The following GNAL variants were observed in gnomAD, a reference collection of about 807,000 sequenced individuals.
GNAL encodes guanine nucleotide-binding protein G(olf) subunit alpha.
In GNAL, 18 loss-of-function variants were observed where a neutral mutation model predicts 55.1. That is an observed-to-expected ratio of 0.33 (90% CI 0.23 to 0.48). GNAL has a LOEUF of 0.48. Ranked by LOEUF, GNAL falls within the 20% of genes least tolerant of loss-of-function variation. GNAL has a pLI of 0.99. For synonymous variants in GNAL, 253 were observed against 237.0 expected (o/e 1.07, Z -0.62); for missense variants, 412 against 614.1 (o/e 0.67, Z 3.48).
chr18:11,805,814 G>T (rs1393764134), intron 4 of GNAL, among the ~76,000 whole-genome samples: 1 of 152,184 alleles, frequency 6.6e-6, no homozygotes, highest in Non-Finnish European at 1.5e-5. Context: ...ACACATATGA[G>T]TGTAGGTATC....
intron 5 of GNAL, among the ~76,000 whole-genome samples, chr18:11,854,700 G>A (rs1428893880): frequency 6.6e-6 from 1 of 152,022 alleles, no homozygotes; most frequent in Non-Finnish European, 1.5e-5. Context: ...AGAATTGCTT[G>A]AACCTGGGAG....
intron 4 of GNAL, among the ~76,000 whole-genome samples, chr18:11,779,078 A>G (rs1295525075): frequency 6.6e-6 from 1 of 152,176 alleles, no homozygotes; most frequent in Non-Finnish European, 1.5e-5. Flanking sequence ...AGAGCCAGAG[A>G]CAGCACGTAG....
chr18:11,830,831 G>A (rs910091546), intron 5 of GNAL, among the ~76,000 whole-genome samples: 7 of 152,152 alleles, frequency 4.6e-5, no homozygotes, highest in African/African-American at 1.7e-4. Flanking sequence ...ACTACAACAT[G>A]GATGAACCTT....
Position 11,752,155 on chromosome 18 carries a change from A to T in GNAL, c.377-698A>T. 3.4e-6 allele frequency: 1 copy of T among 291,458 alleles called. No individual in the cohort carries two copies. Among genetic ancestry groups the T allele is most frequent in the Non-Finnish European group, 5.9e-6 (1 of 170,896 alleles). 18.1% of individuals were successfully genotyped at this position (291,458 alleles called of 1,614,324 possible). The stretch of plus-strand genomic sequence containing the variant: ...GCGCCCTCGCCCCCCGTCTCCGTTC[A>T]TTGTGCTGTATTCATCCAGCAGATT... On this transcript the variant is annotated intron_variant, in intron 1 of 11. Transcript: ENST00000334049. The surrounding 1 kb of genome is among the most constrained non-coding windows in gnomAD (Gnocchi z 4.5).
intron 1 of GNAL, among the ~76,000 whole-genome samples, chr18:11,722,261 G>A (rs1295095748): frequency 2.0e-5 from 3 of 152,144 alleles, no homozygotes; most frequent in African/African-American, 7.2e-5. Flanking sequence ...TTCCTGCTTG[G>A]CTAACAAATG....
At chr18:11,796,499 G>A (rs77226839) in intron 4 of GNAL, among the ~76,000 whole-genome samples, 13,585 of 150,378 alleles carry the variant, frequency 0.09, 664 homozygotes, top group Middle Eastern at 0.14. Context: ...GTATGAACCC[G>A]GGAGGCGGAG....
chr18:11,721,830 G>A (rs781380317), intron 1 of GNAL, among the ~76,000 whole-genome samples: 43 of 151,678 alleles, frequency 2.8e-4, no homozygotes, highest in Non-Finnish European at 3.8e-4. Flanking sequence ...AGGTTGTGGC[G>A]AGCCAAGATC....
At chr18:11,841,644 C>A (rs62925460) in intron 5 of GNAL, among the ~76,000 whole-genome samples, 6 of 122,732 alleles carry the variant, frequency 4.9e-5, no homozygotes, top group African/African-American at 1.2e-4. Context: ...GGGTCTGTCT[C>A]AAAAAAAAAA....
At chr18:11,756,173 T>G (rs963984482) in intron 4 of GNAL, among the ~76,000 whole-genome samples, 1 of 152,160 alleles carries the variant, frequency 6.6e-6, no homozygotes, top group Admixed American at 6.6e-5. Flanking sequence ...CCAGAAACAA[T>G]TGGTAACTCC....
intron 5 of GNAL, among the ~76,000 whole-genome samples, chr18:11,834,344 G>C (rs77723282): frequency 0.017 from 2,528 of 152,138 alleles, 50 homozygotes; most frequent in African/African-American, 0.047. Context: ...GCAAAAATGG[G>C]GTCTTTTGTT....
chr18:11,829,145 C>T (rs9946065), intron 5 of GNAL, among the ~76,000 whole-genome samples: 42 of 152,362 alleles, frequency 2.8e-4, no homozygotes, highest in African/African-American at 9.9e-4. Context: ...CAGGCCAAGA[C>T]TCCCTTCTAG....
At chr18:11,837,150 CCA>C (rs1228463845) in intron 5 of GNAL, among the ~76,000 whole-genome samples, 1 of 152,122 alleles carries the variant, frequency 6.6e-6, no homozygotes, top group African/African-American at 2.4e-5. Context: ...GCCACCACGC[CCA>C]GTTAATTTTT....
intron 5 of GNAL, among the ~76,000 whole-genome samples, chr18:11,839,552 C>A (rs866400847): frequency 5.6e-3 from 453 of 81,594 alleles, no homozygotes; most frequent in East Asian, 5.8e-3. Context: ...GACCTTGCCT[C>A]AAAAAAAAAA....
At chr18:11,829,731 C>T (rs149557275) in intron 5 of GNAL, among the ~76,000 whole-genome samples, 1,611 of 152,266 alleles carry the variant, frequency 0.011, 16 homozygotes, top group Middle Eastern at 0.041. Context: ...GCTCAGTCAA[C>T]GGGCGCAGTA....
intron 4 of GNAL, among the ~76,000 whole-genome samples, chr18:11,783,434 GA>G (rs1301339380): frequency 6.6e-6 from 1 of 152,110 alleles, no homozygotes; most frequent in African/African-American, 2.4e-5. Flanking sequence ...TAGCTAATCG[GA>G]AGAAAAAAAT....
At chr18:11,862,243 T>TAAAAATTCAGGAA (rs2036163472) in intron 5 of GNAL, 152 bp from the exon 6 acceptor site, 2 of 585,390 alleles carry the variant, frequency 3.4e-6, no homozygotes, top group African/African-American at 1.9e-5. Flanking sequence ...TCTAGACAGA[T>TAAAAATTCAGGAA]ACAAATTCAG....
At chr18:11,863,161 G>A (rs2036186785) in intron 6 of GNAL, among the ~76,000 whole-genome samples, 1 of 152,198 alleles carries the variant, frequency 6.6e-6, no homozygotes, top group African/African-American at 2.4e-5. Context: ...TTACAGGCGT[G>A]AGCCACCGTG....
rs541722454 is a variant in GNAL at position 11,752,326 on chromosome 18, C to A, written c.377-527C>A. 4.1e-6 allele frequency: 6 copies of A among 1,478,658 alleles called. No homozygotes were observed. The highest frequency in any genetic ancestry group is 5.2e-5 in the East Asian group (2 of 38,098). 91.6% of individuals were successfully genotyped at this position (1,478,658 alleles called of 1,614,324 possible). A position where few individuals can be genotyped will look rare whatever the true frequency, so the allele number is the denominator to read the frequency against. ...ACCGAAGAGACCAGACCATCTCTTT[C>A]AGCAGCAGGAAAGAGAGGAGCCGTC... is the stretch of plus-strand genomic sequence containing the variant. On this transcript the variant is annotated intron_variant, in intron 1 of 11. Transcript: ENST00000334049. The surrounding 1 kb of genome is among the most constrained non-coding windows in gnomAD (Gnocchi z 4.5).
intron 4 of GNAL, among the ~76,000 whole-genome samples, chr18:11,814,878 A>G (rs2034912513): frequency 6.6e-6 from 1 of 151,848 alleles, no homozygotes; most frequent in African/African-American, 2.4e-5. Context: ...ATCCTGGGCA[A>G]TAAGAGTGAA....
Sources: gnomAD v4.1 joint callset for allele counts (sites outside exome capture counted in the v4.1 genomes callset) on GRCh38, gnomAD v4.1.1 for gene constraint, Gnocchi (gnomAD v3.1) non-coding constraint, MANE v1.5 for transcripts, NCBI Gene and HGNC (gene_info 2026-07-23, HGNC 2026-07-21) for gene names.